The following GARIN1A variants were observed in gnomAD, a reference collection of about 807,000 sequenced individuals.
GARIN1A encodes the protein Golgi-associated RAB2 interactor protein 1A.
the GARIN1A span, among the ~76,000 whole-genome samples, chr7:128,679,481 G>A: frequency 6.6e-6 from 1 of 152,164 alleles, no homozygotes; most frequent in Non-Finnish European, 1.5e-5. Flanking sequence ...GTGAGCCACT[G>A]CGCCCAGCCT....
chr7:128,689,834 G>A, the GARIN1A span, among the ~76,000 whole-genome samples: 1 of 147,162 alleles, frequency 6.8e-6, no homozygotes, highest in Admixed American at 6.8e-5. Flanking sequence ...GGAGGTGGGG[G>A]GCACCTCTGC....
chr7:128,688,770 TCCCCTCCCCCTCCCCCTCCCCC>T, the GARIN1A span, among the ~76,000 whole-genome samples: 1 of 6,972 alleles, frequency 1.4e-4, no homozygotes, highest in Non-Finnish European at 2.7e-4. Context: ...CCCCTCCCCC[TCCCCTCCCCCTCCCCCTCCCCC>T]CTCCCTCTCC....
the GARIN1A span, chr7:128,678,068 T>TGGA: frequency 6.4e-4 from 160 of 249,410 alleles, 1 homozygote; most frequent in African/African-American, 2.7e-3. Flanking sequence ...TCACCCAGGC[T>TGGA]GGAGTGCAAT....
chr7:128,699,037 C>G, the GARIN1A span, among the ~76,000 whole-genome samples: 16 of 152,084 alleles, frequency 1.1e-4, no homozygotes, highest in South Asian at 2.1e-4. Context: ...GGTTTCTGTC[C>G]TTATCACTAT....
the GARIN1A span, among the ~76,000 whole-genome samples, chr7:128,699,316 T>C: frequency 7.9e-6 from 1 of 126,858 alleles, no homozygotes; most frequent in Admixed American, 8.9e-5. Context: ...GCACTTCAAC[T>C]GCTTCTTATT....
At chr7:128,672,266 G>GGTGGACAGCCCGTA in the GARIN1A span, 1 of 696,156 alleles carries the variant, frequency 1.4e-6, no homozygotes, top group African/African-American at 1.8e-5. Flanking sequence ...TCCCAGCCCT[G>GGTGGACAGCCCGTA]GTGGACAGCC....
At chr7:128,692,634 A>G in the GARIN1A span, among the ~76,000 whole-genome samples, 1 of 152,248 alleles carries the variant, frequency 6.6e-6, no homozygotes, top group African/African-American at 2.4e-5. Flanking sequence ...AATGTCCTCA[A>G]GGAATAACAC....
the GARIN1A span, among the ~76,000 whole-genome samples, chr7:128,705,626 T>C: frequency 6.6e-6 from 1 of 150,762 alleles, no homozygotes; most frequent in East Asian, 1.9e-4. Context: ...GCCGCAACAC[T>C]GATGGCGCCA....
chr7:128,678,978 A>G, the GARIN1A span, among the ~76,000 whole-genome samples: 1 of 151,222 alleles, frequency 6.6e-6, no homozygotes, highest in South Asian at 2.1e-4. Context: ...ATATATACAT[A>G]TGTAACGATT....
chr7:128,688,926 G>A, the GARIN1A span, among the ~76,000 whole-genome samples: 6 of 150,524 alleles, frequency 4.0e-5, no homozygotes, highest in African/African-American at 9.8e-5. Flanking sequence ...TCAGCCTGCC[G>A]AGTGCCTGCG....
chr7:128,680,069 G>A, the GARIN1A span: 1 of 1,581,074 alleles, frequency 6.3e-7, no homozygotes, highest in African/African-American at 1.3e-5. Flanking sequence ...AGCCCAGCGA[G>A]CCCCTCGTGC....
chr7:128,688,832 C>G, the GARIN1A span, among the ~76,000 whole-genome samples: 124 of 131,742 alleles, frequency 9.4e-4, no homozygotes, highest in African/African-American at 2.5e-3. Flanking sequence ...CTCTTTCCAC[C>G]GTCTCCCTCT....
At chr7:128,676,619 G>A in the GARIN1A span, among the ~76,000 whole-genome samples, 1 of 151,796 alleles carries the variant, frequency 6.6e-6, no homozygotes, top group East Asian at 1.9e-4. Context: ...GATAGAGGGG[G>A]TTTCCAAGGA....
chr7:128,683,064 T>C, the GARIN1A span: 2 of 1,611,884 alleles, frequency 1.2e-6, no homozygotes, highest in African/African-American at 2.7e-5. Context: ...GAGAGCTGCC[T>C]TGAGCCACAG....
At chr7:128,689,090 T>G in the GARIN1A span, among the ~76,000 whole-genome samples, 1 of 151,654 alleles carries the variant, frequency 6.6e-6, no homozygotes, top group Non-Finnish European at 1.5e-5. Flanking sequence ...GATGGAGTCT[T>G]GTTCACTCAG....
At chr7:128,678,837 C>A in the GARIN1A span, among the ~76,000 whole-genome samples, 1 of 150,942 alleles carries the variant, frequency 6.6e-6, no homozygotes, top group African/African-American at 2.4e-5. Context: ...TACTGTGTAT[C>A]TTATTACAAT....
At chr7:128,680,203 G>A in the GARIN1A span, 1 of 1,028,328 alleles carries the variant, frequency 9.7e-7, no homozygotes, top group Non-Finnish European at 1.4e-6. Flanking sequence ...TGAAGTCATG[G>A]GGTCAACGAA....
At chr7:128,681,411 G>A in the GARIN1A span, among the ~76,000 whole-genome samples, 13 of 144,724 alleles carry the variant, frequency 9.0e-5, no homozygotes, top group African/African-American at 7.7e-5. Context: ...TCTTTCTCTC[G>A]TTTCTTTCTT....
chr7:128,703,244 T>A, the GARIN1A span, among the ~76,000 whole-genome samples: 3 of 152,256 alleles, frequency 2.0e-5, no homozygotes, highest in East Asian at 3.8e-4. Context: ...CAATGCACTT[T>A]CTTTTCAGGT....
Sources: gnomAD v4.1 joint callset for allele counts (sites outside exome capture counted in the v4.1 genomes callset) on GRCh38, gnomAD v4.1.1 for gene constraint, MANE v1.5 for transcripts, NCBI Gene and HGNC (gene_info 2026-07-23, HGNC 2026-07-21) for gene names.